The following PAK3 variants were observed in gnomAD, a reference collection of about 807,000 sequenced individuals.
The protein encoded by PAK3 is p21 (RAC1) activated kinase 3, also known as serine/threonine-protein kinase PAK 3.
PAK3 carries 4 observed loss-of-function variants against 41.0 expected under a neutral mutation model. The observed-to-expected ratio is 0.10, with a 90% CI of 0.05 to 0.22. The LOEUF (loss-of-function observed/expected upper bound fraction) is 0.22, where lower values mean the gene tolerates loss of function less well. Among genes scored for constraint, PAK3 ranks in the 10% least tolerant of loss-of-function variants. PAK3 has a pLI of 1.00. For synonymous variants in PAK3, 146 were observed against 139.6 expected (o/e 1.05, Z -0.32); for missense variants, 205 against 409.9 (o/e 0.50, Z 4.32).
chrX:111,169,471 A>G (rs1469394861), intron 10 of PAK3: 1 of 116,107 alleles, frequency 8.6e-6, no homozygotes, highest in Non-Finnish European at 1.8e-5. Flanking sequence ...CATCTGATAT[A>G]TTAAGTACAG....
intron 16 of PAK3, 129 bp from the exon 17 acceptor site, chrX:111,216,292 T>C: frequency 1.9e-6 from 1 of 512,933 alleles, no homozygotes; most frequent in South Asian, 2.7e-5. Context: ...GAAATATATG[T>C]GTCATTCTCT....
chrX:111,043,496 TC>T (rs1312643408), intron 1 of PAK3, among the ~76,000 whole-genome samples: 2 of 111,439 alleles, frequency 1.8e-5, no homozygotes, highest in Non-Finnish European at 3.8e-5. Flanking sequence ...GTTTGCTCTT[TC>T]TTTAGACTCC....
intron 1 of PAK3, among the ~76,000 whole-genome samples, chrX:111,072,388 A>T (rs1221579283): frequency 8.9e-6 from 1 of 112,924 alleles, no homozygotes; most frequent in African/African-American, 3.2e-5. Flanking sequence ...GCATATGAAT[A>T]GTTACACTGA....
At chrX:111,034,755 A>G (rs1288389131) in intron 1 of PAK3, among the ~76,000 whole-genome samples, 4 of 111,173 alleles carry the variant, frequency 3.6e-5, no homozygotes, top group Non-Finnish European at 7.5e-5. Context: ...GCTGATAACT[A>G]TATGACCTTA....
chrX:111,205,394 C>T (rs1165205654), intron 16 of PAK3, among the ~76,000 whole-genome samples: 1 of 111,149 alleles, frequency 9.0e-6, no homozygotes, highest in African/African-American at 3.3e-5. Context: ...CAGCCTACAG[C>T]CTTCCCCAAC....
Position 111,196,496 on chromosome X carries a change from T to C in PAK3, c.1263T>C (p.Thr421=). Residue 421 remains threonine, a synonymous_variant, in exon 16 of 18, where the codon ACT becomes ACC. Transcript: ENST00000372007. Reference sequence around the variant, plus strand: ...CTCCTGAGCAAAGTAAACGAAGCACTATGGTGGGAACCCCATATTGGATGG... The same window carrying C: ...CTCCTGAGCAAAGTAAACGAAGCACCATGGTGGGAACCCCATATTGGATGG... ...QITPEQSKRS[T]MVGTPYWMAP... is the part of the protein sequence containing the mutation. 8.3e-7 allele frequency: 1 copy of C among 1,208,579 alleles called. No individual in the cohort carries two copies. The highest frequency in any genetic ancestry group is 1.8e-5 in the South Asian group (1 of 56,899).
chrX:111,187,699 T>C (rs1347435671), intron 11 of PAK3, among the ~76,000 whole-genome samples: 3 of 111,217 alleles, frequency 2.7e-5, no homozygotes, highest in Non-Finnish European at 5.7e-5. Flanking sequence ...GGTGCAGAAA[T>C]ATGTTGGGAG....
chrX:111,047,282 G>C (rs1332519162), intron 1 of PAK3, among the ~76,000 whole-genome samples: 1 of 111,599 alleles, frequency 9.0e-6, no homozygotes, highest in Non-Finnish European at 1.9e-5. Context: ...TCATTTAGTA[G>C]GGGAGATAAG....
At chrX:111,096,032 C>A (rs1220689654), upstream of PAK3, among the ~76,000 whole-genome samples, 1 of 111,614 alleles carries the variant, frequency 9.0e-6, no homozygotes, top group African/African-American at 3.3e-5. Flanking sequence ...TTCCCCCTCC[C>A]AGGCGCTTCC....
chrX:110,975,143 C>A (rs988924049), intron 1 of PAK3, among the ~76,000 whole-genome samples: 21 of 111,823 alleles, frequency 1.9e-4, no homozygotes, highest in Non-Finnish European at 3.4e-4. Context: ...AAAGGGTATT[C>A]AATTAGGAAA....
At chrX:111,088,789 G>A (rs1332676843) in intron 1 of PAK3, among the ~76,000 whole-genome samples, 1 of 111,997 alleles carries the variant, frequency 8.9e-6, no homozygotes, top group Non-Finnish European at 1.9e-5. Context: ...CTCAAAGTAG[G>A]CGGTGTAGTT....
intron 1 of PAK3, among the ~76,000 whole-genome samples, chrX:111,025,697 T>C (rs1328775774): frequency 9.0e-6 from 1 of 110,800 alleles, no homozygotes; most frequent in Non-Finnish European, 1.9e-5. Context: ...GATTCACAGG[T>C]GAATTCTATC....
chrX:110,967,969 G>T (rs2091116612), intron 1 of PAK3, among the ~76,000 whole-genome samples: 1 of 112,129 alleles, frequency 8.9e-6, no homozygotes, highest in Admixed American at 9.4e-5. Context: ...TCACATACTA[G>T]TCACATCCAT....
chrX:111,190,862 A>G (rs1282680730), intron 11 of PAK3, among the ~76,000 whole-genome samples: 1 of 112,518 alleles, frequency 8.9e-6, no homozygotes, highest in African/African-American at 3.2e-5. Flanking sequence ...GTAGTCAATC[A>G]CAGGACTGAT....
At position 110,976,842 on chromosome X, in the gene PAK3, G is replaced by T. The variant is rs755040083; in HGVS notation, c.-28+32214G>T. On this transcript the variant is annotated intron_variant, in intron 1 of 14. Transcript: ENST00000425146. ...ATAAAACTGGAAACCATCATTCTCA[G>T]CAAGCTATCACAAGGACAGAAAACC... Among the ~76,000 whole-genome samples the T allele has an allele frequency of 4.6e-5, 5 of 109,829 alleles. No individual in the cohort carries two copies. In the East Asian group the frequency reaches 1.4e-3, roughly 31 times the overall value.
intron 1 of PAK3, among the ~76,000 whole-genome samples, chrX:110,955,918 G>A (rs2090847138): frequency 8.9e-6 from 1 of 111,983 alleles, no homozygotes; most frequent in African/African-American, 3.2e-5. Flanking sequence ...AAAGAGGGTA[G>A]GGTAAAGGTT....
chrX:111,162,190 AC>A (rs1300617068), intron 8 of PAK3, among the ~76,000 whole-genome samples: 1 of 112,019 alleles, frequency 8.9e-6, no homozygotes, highest in Middle Eastern at 4.2e-3. Flanking sequence ...CAACTTTGGA[AC>A]CATTTTACCA....
intron 4 of PAK3, among the ~76,000 whole-genome samples, chrX:111,106,635 C>G (rs761774415): frequency 2.6e-4 from 29 of 111,468 alleles, no homozygotes; most frequent in Non-Finnish European, 4.7e-4. Context: ...TTACACATCC[C>G]CCTCCCATCC....
intron 16 of PAK3, among the ~76,000 whole-genome samples, chrX:111,206,838 C>G (rs1185947563): frequency 9.0e-6 from 1 of 111,476 alleles, no homozygotes; most frequent in Non-Finnish European, 1.9e-5. Flanking sequence ...ATGGCAGACA[C>G]TTTCATGATA....
Sources: gnomAD v4.1 joint callset for allele counts (sites outside exome capture counted in the v4.1 genomes callset) on GRCh38, gnomAD v4.1.1 for gene constraint, MANE v1.5 for transcripts, NCBI Gene and HGNC (gene_info 2026-07-23, HGNC 2026-07-21) for gene names.